Variants in CYP2C19 observed in about 807,000 individuals in gnomAD.
CYP2C19 encodes the protein cytochrome P450 family 2 subfamily C member 19, also known as cytochrome P450 2C19.
Under a neutral mutation model 40.9 loss-of-function variants are expected in CYP2C19, and 59 were observed. The observed-to-expected ratio is 1.44, with a 90% confidence interval of 1.17 to 1.79. The LOEUF (loss-of-function observed/expected upper bound fraction) is 1.79. Among genes scored for constraint, CYP2C19 ranks in the 40% most tolerant of loss-of-function variants. The probability of loss-of-function intolerance (pLI) is 0.00; values close to 1 mark genes in which losing one functional copy is unlikely to be tolerated. For missense variants in CYP2C19, 754 were observed against 596.9 expected (o/e 1.26, Z -2.74); for synonymous variants, 253 against 208.7 (o/e 1.21, Z -1.83).
chr10:94,805,845 T>C (rs1290077516), intron 5 of CYP2C19, among the ~76,000 whole-genome samples: 1 of 152,248 alleles, frequency 6.6e-6, no homozygotes, highest in African/African-American at 2.4e-5. Flanking sequence ...AAAGTTGGCC[T>C]ATCACATTCT....
At chr10:94,788,552 T>C (rs1848571288) in intron 5 of CYP2C19, among the ~76,000 whole-genome samples, 1 of 152,032 alleles carries the variant, frequency 6.6e-6, no homozygotes, top group African/African-American at 2.4e-5. Flanking sequence ...CCTGTGTCCA[T>C]GTGTTCTCAT....
intron 1 of CYP2C19, 150 bp from the exon 2 acceptor site, chr10:94,774,908 C>T (rs1421076203): frequency 3.7e-6 from 3 of 819,104 alleles, no homozygotes; most frequent in Non-Finnish European, 5.7e-6. Flanking sequence ...TAATAATCAT[C>T]ATCATGTTTA....
intron 6 of CYP2C19, among the ~76,000 whole-genome samples, chr10:94,826,798 T>A (rs1849232479): frequency 6.6e-6 from 1 of 152,210 alleles, no homozygotes; most frequent in Admixed American, 6.5e-5. Context: ...TGTGGGTTTG[T>A]CATAGATAGC....
chr10:94,777,028 T>C (rs564386363), intron 3 of CYP2C19, among the ~76,000 whole-genome samples: 1 of 152,214 alleles, frequency 6.6e-6, no homozygotes, highest in African/African-American at 2.4e-5. Context: ...GACAGTCAAA[T>C]AATGAGTGAA....
chr10:94,843,754 TTTATTGCATTCA>T (rs1480581180), intron 7 of CYP2C19, among the ~76,000 whole-genome samples: 3 of 152,216 alleles, frequency 2.0e-5, no homozygotes, highest in African/African-American at 7.2e-5. Flanking sequence ...TTAATTTCTC[TTTATTGCATTCA>T]TTATTGCATT....
chr10:94,846,883 T>C (rs565384817), intron 7 of CYP2C19, among the ~76,000 whole-genome samples: 110 of 151,976 alleles, frequency 7.2e-4, no homozygotes, highest in African/African-American at 2.5e-3. Context: ...TCCCGTATCT[T>C]TAAATGATAA....
intron 3 of CYP2C19, chr10:94,775,765 C>T (rs1589347098): frequency 3.2e-6 from 2 of 630,558 alleles, no homozygotes; most frequent in Non-Finnish European, 5.4e-6. Context: ...TTCATTTAAT[C>T]CTATGTTCTC....
intron 5 of CYP2C19, among the ~76,000 whole-genome samples, chr10:94,794,235 C>T (rs369763442): frequency 2.6e-5 from 4 of 152,190 alleles, no homozygotes; most frequent in South Asian, 4.1e-4. Flanking sequence ...TGGGAGTGTC[C>T]CAATTTTCCA....
At position 94,826,555 on chromosome 10, in the gene CYP2C19, T is replaced by A. The variant is rs1159450343; in HGVS notation, c.961+5918T>A. 3.3e-5 allele frequency among the ~76,000 whole-genome samples: 5 copies of A among 152,244 alleles called. No individual in the cohort carries two copies. In the East Asian group the frequency reaches 9.6e-4, roughly 29 times the overall value. ...GTTGTTTATCAGCTTAAGGAGATTT[T>A]GGGCTGAGATGATGGGGTTTTCTAG... On this transcript the variant is annotated intron_variant, in intron 6 of 8. Transcript: ENST00000371321.
intron 5 of CYP2C19, among the ~76,000 whole-genome samples, chr10:94,799,095 C>T (rs1025293576): frequency 7.9e-5 from 12 of 151,806 alleles, no homozygotes; most frequent in South Asian, 2.1e-4. Flanking sequence ...TTTTTCATAG[C>T]ATTGATGGTC....
intron 5 of CYP2C19, among the ~76,000 whole-genome samples, chr10:94,810,718 G>A (rs1848908045): frequency 6.6e-6 from 1 of 152,110 alleles, no homozygotes. Flanking sequence ...TATTTCTGTA[G>A]GATCAGTGGT....
At chr10:94,846,178 A>G (rs1226951597) in intron 7 of CYP2C19, among the ~76,000 whole-genome samples, 1 of 152,126 alleles carries the variant, frequency 6.6e-6, no homozygotes, top group Non-Finnish European at 1.5e-5. Context: ...TGTCATTTTT[A>G]TCTCCTGTAA....
At chr10:94,844,264 T>G (rs186407408) in intron 7 of CYP2C19, among the ~76,000 whole-genome samples, 1 of 152,346 alleles carries the variant, frequency 6.6e-6, no homozygotes, top group African/African-American at 2.4e-5. Flanking sequence ...GTGCAGAATT[T>G]CAGAGGATGT....
chr10:94,797,507 ATTAG>A (rs1441472606), intron 5 of CYP2C19, among the ~76,000 whole-genome samples: 3 of 152,122 alleles, frequency 2.0e-5, no homozygotes, highest in Non-Finnish European at 4.4e-5. Flanking sequence ...GCCTCATAAA[ATTAG>A]TTAGGGAGGA....
rs760734417 is a variant in CYP2C19, at chr10:94,781,904, T to A, written c.726T>A (p.Ser242Arg). Residue 242 changes from serine (S) to arginine (R), a missense_variant, in exon 5 of 9, where the codon AGT becomes AGA. Ser to Arg is a moderately radical substitution (Grantham distance 110, BLOSUM62 -1). Coordinates refer to ENST00000371321, the MANE Select transcript of CYP2C19 (RefSeq NM_000769.4). The stretch of plus-strand genomic sequence containing the variant: ...TTAAAAACCTTGCTTTTATGGAAAG[T>A]GATATTTTGGAGAAAGTAAAAGAAC... ...KLLKNLAFMESDILEKVKEHQ... is the reference protein window; with the variant it reads ...KLLKNLAFMERDILEKVKEHQ... The A allele has an allele frequency of 1.7e-5, 26 of 1,505,270 alleles. No individual in the cohort carries two copies. The South Asian group carries it at 3.6e-4, about 21-fold the overall frequency. 93.2% of individuals were successfully genotyped at this position (1,505,270 alleles called of 1,614,324 possible).
intron 5 of CYP2C19, among the ~76,000 whole-genome samples, chr10:94,793,778 G>T (rs1454101520): frequency 6.6e-6 from 1 of 152,146 alleles, no homozygotes; most frequent in Admixed American, 6.5e-5. Flanking sequence ...CTACTAGGAG[G>T]TGTCTCCCAG....
intron 5 of CYP2C19, among the ~76,000 whole-genome samples, chr10:94,801,240 A>T (rs1181696993): frequency 6.6e-6 from 1 of 152,146 alleles, no homozygotes; most frequent in Admixed American, 6.5e-5. Context: ...AGCGGTATCA[A>T]TTTCCCTCTA....
At chr10:94,839,381 A>C (rs1480584670) in intron 6 of CYP2C19, among the ~76,000 whole-genome samples, 1 of 151,696 alleles carries the variant, frequency 6.6e-6, no homozygotes, top group Non-Finnish European at 1.5e-5. Context: ...GCAGTCCTGC[A>C]ACTGTTTTTC....
intron 5 of CYP2C19, among the ~76,000 whole-genome samples, chr10:94,802,996 T>A (rs1281430966): frequency 2.0e-5 from 3 of 152,212 alleles, no homozygotes; most frequent in Non-Finnish European, 2.9e-5. Context: ...TAACCCAACC[T>A]CTCTGGCTGC....
Sources: allele counts gnomAD v4.1 joint callset (sites outside exome capture counted in the v4.1 genomes callset), GRCh38; gene constraint gnomAD v4.1.1; transcripts MANE v1.5; gene names NCBI Gene and HGNC (gene_info 2026-07-23, HGNC 2026-07-21).